MRGPRX2: variants seen among roughly 807,000 people sequenced by gnomAD.
The protein encoded by MRGPRX2 is mas-related G protein-coupled receptor member X2.
For missense variants in MRGPRX2, 389 were observed against 404.5 expected, an observed-to-expected ratio of 0.96 and a Z score of 0.33; for synonymous variants, 183 against 175.6, an observed-to-expected ratio of 1.04 and a Z score of -0.33.
At position 19,056,338 on chromosome 11, in the gene MRGPRX2, A is replaced by C; in HGVS notation, c.65T>G (p.Leu22Arg). 1 of 1,614,158 alleles carries C rather than the reference A, an allele frequency of 6.2e-7. No individual in the cohort carries two copies. The highest frequency in any genetic ancestry group is 1.1e-5 in the South Asian group (1 of 91,078). Residue 22 changes from leucine to arginine, a missense_variant, in exon 2 of 2, where the codon CTT becomes CGT. By Grantham distance (102) the Leu-to-Arg change is moderately radical. Transcript: ENST00000329773. ...STTVNGNDQA[L>R]LLLCGKETLI... The stretch of plus-strand genomic sequence containing the variant: ...GGTCTCCTTGCCACAAAGCAGAAGA[A>C]GGGCTTGGTCATTTCCATTCACTGT...
At chr11:19,057,441 G>A (rs1011663760) in intron 1 of MRGPRX2, among the ~76,000 whole-genome samples, 3 of 152,132 alleles carry the variant, frequency 2.0e-5, no homozygotes, top group Non-Finnish European at 2.9e-5. Context: ...AGGAAAAGGG[G>A]GCAATTTGGG....
chr11:19,055,276 C>G lies in MRGPRX2; in HGVS notation c.*134G>C. 9 of 907,190 alleles carry G rather than the reference C, an allele frequency of 9.9e-6. No homozygotes were observed. The highest frequency in any genetic ancestry group is 1.2e-5 in the Non-Finnish European group (7 of 598,020). 56.2% of individuals were successfully genotyped at this position (907,190 alleles called of 1,614,324 possible). A position where few individuals can be genotyped will look rare whatever the true frequency, so the allele number is the denominator to read the frequency against. On this transcript the variant is annotated 3_prime_UTR_variant, in exon 2 of 2. Coordinates refer to ENST00000329773, the MANE Select transcript of MRGPRX2 (RefSeq NM_054030.4). ...TTAGTGTTTGTTTCATAGGCACTGTCTCACTTAATCCTCACAAGGACTCTC... is the reference window on the plus strand; with the variant it reads ...TTAGTGTTTGTTTCATAGGCACTGTGTCACTTAATCCTCACAAGGACTCTC...
intron 1 of MRGPRX2, among the ~76,000 whole-genome samples, chr11:19,057,640 G>A (rs1264210920): frequency 6.6e-6 from 1 of 152,174 alleles, no homozygotes; most frequent in Non-Finnish European, 1.5e-5. Context: ...AAAGAACCAT[G>A]TCTACACTGT....
At position 19,060,252 on chromosome 11, in the gene MRGPRX2, A is replaced by G. The variant is rs147240210; in HGVS notation, c.-26+367T>C. ...GTGTGTTTTCTGCTGGGACAATGAC[A>G]GATATGAAGGAAAAACCTTTTGAAT... On this transcript the variant is annotated intron_variant, in intron 1 of 1. Transcript: ENST00000329773. Among the ~76,000 whole-genome samples the G allele has an allele frequency of 4.4e-3, 664 of 152,318 alleles. 2 individuals are homozygous for G. Among genetic ancestry groups the G allele is most frequent in the Middle Eastern group, 6.8e-3 (2 of 294 alleles).
At position 19,054,538 on chromosome 11, in the gene MRGPRX2, C is replaced by G. The variant is rs1849594381; in HGVS notation, c.*872G>C. 6.6e-6 allele frequency: 1 copy of G among 152,172 alleles called. No individual in the cohort carries two copies. Among genetic ancestry groups the G allele is most frequent in the South Asian group, 2.1e-4 (1 of 4,828 alleles). 9.4% of individuals were successfully genotyped at this position (152,172 alleles called of 1,614,324 possible). A position where few individuals can be genotyped will look rare whatever the true frequency, so the allele number is the denominator to read the frequency against. On this transcript the variant is annotated 3_prime_UTR_variant, in exon 2 of 2. Transcript: ENST00000329773. ...ATTAACAAAATAAATGCTCCGAGTT[C>G]TTCGGAATAAAAGGTAAATCTGACA...
In MRGPRX2 at chr11:19,055,495, G is replaced by A; in HGVS notation, c.908C>T (p.Ala303Val). Residue 303 changes from alanine to valine, a missense_variant, in exon 2 of 2, where the codon GCT (alanine) becomes GTT (valine). Transcript: ENST00000329773. ...QPILKLALQR[A>V]LQDIAEVDHS... The stretch of plus-strand genomic sequence containing the variant: ...ATCCACCTCAGCAATGTCCTGCAGA[G>A]CCCTCTGGAGAGCCAGCTTGAGGAT... The A allele has an allele frequency of 1.2e-6, 2 of 1,614,182 alleles. No individual in the cohort carries two copies. The highest frequency in any genetic ancestry group is 1.7e-6 in the Non-Finnish European group (2 of 1,180,034).
intron 1 of MRGPRX2, among the ~76,000 whole-genome samples, chr11:19,058,854 T>G (rs1237493126): frequency 6.6e-6 from 1 of 152,184 alleles, no homozygotes; most frequent in African/African-American, 2.4e-5. Context: ...GGCCATCTAT[T>G]GTAATACGCT....
At chr11:19,056,681 C>G (rs1343198837) in intron 1 of MRGPRX2, among the ~76,000 whole-genome samples, 4 of 152,178 alleles carry the variant, frequency 2.6e-5, no homozygotes, top group Admixed American at 2.6e-4. Flanking sequence ...GGCCCAAACA[C>G]CCCCACTCAC....
intron 1 of MRGPRX2, 24 bp from the exon 2 acceptor site, chr11:19,056,451 G>A: frequency 6.4e-7 from 1 of 1,566,794 alleles, no homozygotes; most frequent in Non-Finnish European, 8.7e-7. Context: ...CAAGACTTGA[G>A]CACCTGCTGC....
chr11:19,060,502 C>G (rs1394037749), intron 1 of MRGPRX2, 117 bp downstream of exon 1: 1 of 152,166 alleles, frequency 6.6e-6, no homozygotes. Flanking sequence ...TGCCAGCATC[C>G]AAAGCTTCCT....
rs1849599160 is a variant in MRGPRX2, at chr11:19,055,046, G to T, written c.*364C>A. ...ACAGAAATTGTACGGAAGAGAAAAA[G>T]AAATTAATTAAAAATATAACATTCT... On this transcript the variant is annotated 3_prime_UTR_variant, in exon 2 of 2. Transcript: ENST00000329773. The T allele has an allele frequency of 6.0e-6, 1 of 167,600 alleles. No individual in the cohort carries two copies. Among genetic ancestry groups the T allele is most frequent in the Non-Finnish European group, 1.3e-5 (1 of 78,432 alleles). The allele number at this position is 167,600 out of a possible 1,614,324, so 10.4% of individuals were successfully genotyped here.
rs11024969 is a variant in MRGPRX2 at position 19,056,208 on chromosome 11, A to C, written c.195T>G (p.Ser65=). ...LGFRMRRNAF[S]VYVLSLAGAD... The stretch of plus-strand genomic sequence containing the variant: ...CCCCGGCCAGGCTGAGGACGTAGAC[A>C]GAGAAGGCGTTCCTGCGCATGCGGA... Residue 65 remains serine (S), a synonymous_variant, in exon 2 of 2, where the codon TCT becomes TCG. Coordinates refer to ENST00000329773, the MANE Select transcript of MRGPRX2 (RefSeq NM_054030.4). 0.059 allele frequency: 94,903 copies of C among 1,614,088 alleles called. 3,679 individuals carry two copies. Among genetic ancestry groups the C allele is most frequent in the African/African-American group, 0.17 (12,507 of 75,024 alleles).
At chr11:19,057,946 C>T (rs1318478967) in intron 1 of MRGPRX2, among the ~76,000 whole-genome samples, 1 of 152,136 alleles carries the variant, frequency 6.6e-6, no homozygotes, top group Non-Finnish European at 1.5e-5. Context: ...GCCTTGCAGC[C>T]CCATTGCAAG....
intron 1 of MRGPRX2, among the ~76,000 whole-genome samples, chr11:19,059,132 G>C (rs1426545373): frequency 1.3e-5 from 2 of 152,170 alleles, no homozygotes; most frequent in Non-Finnish European, 2.9e-5. Flanking sequence ...CTGAGTCTTA[G>C]ATCAGAAAAA....
Position 19,056,110 on chromosome 11 carries a change from G to T in MRGPRX2, c.293C>A (p.Ser98Tyr). 6.2e-7 allele frequency: 1 copy of T among 1,614,246 alleles called. No homozygotes were observed. Among genetic ancestry groups the T allele is most frequent in the Non-Finnish European group, 8.5e-7 (1 of 1,180,050 alleles). ...GGTGAAGAAGCTAGGGAAATTGATG[G>T]AGATGGAACAGAAGAAGTTACTGAG... Reference protein sequence around the residue: ...VYLSNFFCSISINFPSFFTTV... With the variant: ...VYLSNFFCSIYINFPSFFTTV... The change falls in exon 2 of 2, where the codon TCC (serine) becomes TAC (tyrosine). Residue 98 changes from serine to tyrosine, a missense_variant. Physicochemically the swap from Ser to Tyr is moderately radical, Grantham distance 144. Coordinates refer to ENST00000329773, the MANE Select transcript of MRGPRX2 (RefSeq NM_054030.4).
At position 19,055,632 on chromosome 11, in the gene MRGPRX2, AAAT is replaced by A; in HGVS notation, c.768_770del (p.Leu256del). On this transcript the variant is annotated inframe_deletion, in exon 2 of 2. Coordinates refer to ENST00000329773, the MANE Select transcript of MRGPRX2 (RefSeq NM_054030.4). ...CAACTGAAACTGGATGAATATGACA[AAAT>A]AAGACATCAGAATCCTTCCAGATCC... is the stretch of plus-strand genomic sequence containing the variant. 6.2e-7 allele frequency: 1 copy of A among 1,614,196 alleles called. No individual in the cohort carries two copies. The highest frequency in any genetic ancestry group is 8.5e-7 in the Non-Finnish European group (1 of 1,180,034).
chr11:19,058,102 AAGG>A (rs1849634955), intron 1 of MRGPRX2, among the ~76,000 whole-genome samples: 1 of 152,248 alleles, frequency 6.6e-6, no homozygotes, highest in South Asian at 2.1e-4. Context: ...TTAATCAAAT[AAGG>A]AGAAGAGATA....
chr11:19,057,275 G>A (rs1457338577), intron 1 of MRGPRX2, among the ~76,000 whole-genome samples: 1 of 152,180 alleles, frequency 6.6e-6, no homozygotes, highest in African/African-American at 2.4e-5. Context: ...TATTTGAAGG[G>A]ATTGCTTCTG....
At chr11:19,056,911 A>C (rs1436819633) in intron 1 of MRGPRX2, among the ~76,000 whole-genome samples, 1 of 152,174 alleles carries the variant, frequency 6.6e-6, no homozygotes, top group Non-Finnish European at 1.5e-5. Context: ...ATTTAGGGTC[A>C]TAACGGAGAG....
Sources: allele counts gnomAD v4.1 joint callset (sites outside exome capture counted in the v4.1 genomes callset), GRCh38; gene constraint gnomAD v4.1.1; transcripts MANE v1.5; gene names NCBI Gene and HGNC (gene_info 2026-07-23, HGNC 2026-07-21).